HCN1: variants seen among roughly 807,000 people sequenced by gnomAD.
HCN1 encodes hyperpolarization activated cyclic nucleotide gated potassium channel 1.
Under a neutral mutation model 78.9 loss-of-function variants are expected in HCN1, and 13 were observed. That is an observed-to-expected ratio of 0.16 (90% CI 0.11 to 0.26). HCN1 has a LOEUF of 0.26. Among genes scored for constraint, HCN1 ranks in the 10% least tolerant of loss-of-function variants. The probability of loss-of-function intolerance (pLI) is 1.00; values close to 1 mark genes in which losing one functional copy is unlikely to be tolerated. For synonymous variants in HCN1, 552 were observed against 455.5 expected (o/e 1.21, Z -2.70); for missense variants, 810 against 1,154.3 (o/e 0.70, Z 4.32).
At chr5:45,296,884 A>T (rs1242621681) in intron 6 of HCN1, among the ~76,000 whole-genome samples, 1 of 152,014 alleles carries the variant, frequency 6.6e-6, no homozygotes, top group Non-Finnish European at 1.5e-5. Flanking sequence ...CAAACTAATA[A>T]AATTCACATA....
intron 2 of HCN1, among the ~76,000 whole-genome samples, chr5:45,506,277 T>G (rs1742299210): frequency 6.6e-6 from 1 of 152,140 alleles, no homozygotes; most frequent in African/African-American, 2.4e-5. Context: ...TAAGACAACT[T>G]ACATGCTTTA....
chr5:45,326,456 G>A (rs1746235368), intron 5 of HCN1, among the ~76,000 whole-genome samples: 1 of 151,452 alleles, frequency 6.6e-6, no homozygotes, highest in African/African-American at 2.4e-5. Context: ...GCCACAAAAT[G>A]TTTCATCTTA....
chr5:45,328,068 CCT>C (rs1746270816), intron 5 of HCN1, among the ~76,000 whole-genome samples: 1 of 151,596 alleles, frequency 6.6e-6, no homozygotes, highest in African/African-American at 2.4e-5. Context: ...ACAGTAGTCC[CCT>C]GTCCTCTGTG....
In HCN1 at chr5:45,649,094, T is replaced by C. The variant is rs557495635; in HGVS notation, c.426-3486A>G. Among the ~76,000 whole-genome samples the C allele has an allele frequency of 1.8e-3, 275 of 152,010 alleles. 2 individuals carry two copies. The highest frequency in any genetic ancestry group is 6.5e-3 in the African/African-American group (268 of 41,484). On this transcript the variant is annotated intron_variant, in intron 1 of 7. Coordinates refer to ENST00000303230, the MANE Select transcript of HCN1 (RefSeq NM_021072.4). Reference sequence around the variant, plus strand: ...TGCTTTGCCCTCATGCCTACCTGGGTACACATACAGGAGATATGATTACTT... The same window carrying C: ...TGCTTTGCCCTCATGCCTACCTGGGCACACATACAGGAGATATGATTACTT...
In HCN1 at chr5:45,260,862, C is replaced by CTT. The variant is rs1262204979; in HGVS notation, c.*1057_*1058dup. On this transcript the variant is annotated 3_prime_UTR_variant, in exon 8 of 8. Transcript: ENST00000303230. ...TCTAGAAACGAGAAATACTGTAAGC[C>CTT]TTTCTCTACAATGACTGATTTGAAC... The CTT allele has an allele frequency of 6.6e-6, 1 of 152,502 alleles. No homozygotes were observed. The highest frequency in any genetic ancestry group is 2.4e-5 in the African/African-American group (1 of 41,404). The allele number at this position is 152,502 out of a possible 1,614,324, so 9.4% of individuals were successfully genotyped here.
At chr5:45,540,621 T>G (rs913790819) in intron 2 of HCN1, among the ~76,000 whole-genome samples, 2 of 152,198 alleles carry the variant, frequency 1.3e-5, no homozygotes, top group African/African-American at 4.8e-5. Flanking sequence ...GGAGCCACCA[T>G]GCCTAGCAGA....
chr5:45,595,117 C>A (rs1744460213), intron 2 of HCN1, among the ~76,000 whole-genome samples: 1 of 152,086 alleles, frequency 6.6e-6, no homozygotes, highest in Non-Finnish European at 1.5e-5. Context: ...TAATAGAGAA[C>A]AATAGAAATT....
intron 6 of HCN1, among the ~76,000 whole-genome samples, chr5:45,303,171 G>A (rs1170470550): frequency 2.0e-5 from 3 of 152,082 alleles, no homozygotes; most frequent in South Asian, 4.1e-4. Flanking sequence ...TGGGCAGTAG[G>A]AATATCAAAC....
chr5:45,637,402 T>A (rs1745374994), intron 2 of HCN1, among the ~76,000 whole-genome samples: 1 of 152,002 alleles, frequency 6.6e-6, no homozygotes, highest in African/African-American at 2.4e-5. Flanking sequence ...ACTGAAATCA[T>A]CTAGCAAGTA....
chr5:45,544,052 T>C (rs148488619), intron 2 of HCN1, among the ~76,000 whole-genome samples: 67 of 152,192 alleles, frequency 4.4e-4, no homozygotes, highest in African/African-American at 1.6e-3. Context: ...CATTATTCCA[T>C]GATTTTGAAA....
rs372893108 is a variant in HCN1 at position 45,603,721 on chromosome 5, A to G, written c.849+41464T>C. Among the ~76,000 whole-genome samples the G allele has an allele frequency of 2.6e-4, 39 of 152,202 alleles. No individual in the cohort carries two copies. The East Asian group carries it at 4.4e-3, about 17-fold the overall frequency. On this transcript the variant is annotated intron_variant, in intron 2 of 7. Transcript: ENST00000303230. Reference sequence around the variant, plus strand: ...AATTGTGGAGTGTCATGCCCAACAGAATAGCATAACACAAAATGAAACTTT... The same window carrying G: ...AATTGTGGAGTGTCATGCCCAACAGGATAGCATAACACAAAATGAAACTTT...
chr5:45,578,691 T>C (rs1314090312), intron 2 of HCN1, among the ~76,000 whole-genome samples: 1 of 151,830 alleles, frequency 6.6e-6, no homozygotes, highest in East Asian at 1.9e-4. Context: ...ATAAAATAAA[T>C]AATATTAATA....
chr5:45,552,992 G>A (rs1209663571), intron 2 of HCN1, among the ~76,000 whole-genome samples: 1 of 151,842 alleles, frequency 6.6e-6, no homozygotes. Context: ...CTCAAAATAT[G>A]CCATTTTGAT....
At chr5:45,278,788 T>A (rs1422370238) in intron 6 of HCN1, among the ~76,000 whole-genome samples, 2 of 152,026 alleles carry the variant, frequency 1.3e-5, no homozygotes, top group Non-Finnish European at 2.9e-5. Flanking sequence ...TCAGAATGAG[T>A]TAAATTTGGA....
chr5:45,341,737 A>G (rs1746586698), intron 5 of HCN1, among the ~76,000 whole-genome samples: 1 of 152,164 alleles, frequency 6.6e-6, no homozygotes, highest in South Asian at 2.1e-4. Context: ...AGCCTGGATG[A>G]CAGTGAGAAC....
intron 5 of HCN1, among the ~76,000 whole-genome samples, chr5:45,338,784 G>A (rs998604948): frequency 2.0e-5 from 3 of 152,098 alleles, no homozygotes; most frequent in African/African-American, 7.2e-5. Context: ...CCAATTTGAT[G>A]TTATATTTCT....
intron 1 of HCN1, among the ~76,000 whole-genome samples, chr5:45,666,795 TAATA>T (rs1423262410): frequency 6.6e-6 from 1 of 152,002 alleles, no homozygotes; most frequent in East Asian, 1.9e-4. Context: ...ACCACAGCTT[TAATA>T]AATAAAGACA....
chr5:45,492,450 T>C (rs1267794901), intron 2 of HCN1, among the ~76,000 whole-genome samples: 1 of 146,380 alleles, frequency 6.8e-6, no homozygotes, highest in Non-Finnish European at 1.5e-5. Flanking sequence ...CTTCTTTTCT[T>C]ATCCATGCTC....
At chr5:45,627,922 CAA>C (rs1745199271) in intron 2 of HCN1, among the ~76,000 whole-genome samples, 1 of 152,110 alleles carries the variant, frequency 6.6e-6, no homozygotes, top group South Asian at 2.1e-4. Context: ...CATTTACAAC[CAA>C]AGTGTCAACA....
Sources: allele counts gnomAD v4.1 joint callset (sites outside exome capture counted in the v4.1 genomes callset), GRCh38; gene constraint gnomAD v4.1.1; transcripts MANE v1.5; gene names NCBI Gene and HGNC (gene_info 2026-07-23, HGNC 2026-07-21).